SFXN4: variants seen among roughly 807,000 people sequenced by gnomAD.
SFXN4 encodes the protein sideroflexin-4.
In SFXN4, 48 loss-of-function variants were observed where a neutral mutation model predicts 54.6. That is an observed-to-expected ratio of 0.88 (90% CI 0.70 to 1.12). The LOEUF is 1.12. SFXN4 is among the 50% of genes most tolerant of loss of function. The pLI is 0.00. For synonymous variants in SFXN4, 130 were observed against 145.5 expected (o/e 0.89, Z 0.77); for missense variants, 383 against 409.2 (o/e 0.94, Z 0.55).
At chr10:119,152,411 C>A (rs944461500) in intron 11 of SFXN4, among the ~76,000 whole-genome samples, 2 of 151,876 alleles carry the variant, frequency 1.3e-5, no homozygotes, top group Non-Finnish European at 2.9e-5. Flanking sequence ...TCCCGAGTAG[C>A]TGGGATTACA....
chr10:119,146,478 T>A (rs1035462674), intron 12 of SFXN4, 125 bp from the exon 13 acceptor site: 19 of 495,812 alleles, frequency 3.8e-5, no homozygotes, highest in Admixed American at 3.2e-5. Flanking sequence ...TGTGTGTACC[T>A]GAACACCTGG....
chr10:119,142,455 T>C (rs1846570787), intron 13 of SFXN4, among the ~76,000 whole-genome samples: 1 of 152,086 alleles, frequency 6.6e-6, no homozygotes, highest in Admixed American at 6.6e-5. Flanking sequence ...AAAACTACTA[T>C]GTCATTGTCA....
chr10:119,147,236 C>T (rs917108378), intron 12 of SFXN4, among the ~76,000 whole-genome samples: 16 of 152,260 alleles, frequency 1.1e-4, no homozygotes, highest in Admixed American at 1.0e-3. Flanking sequence ...CCGTTCCGGC[C>T]CTAAAGCCCC....
chr10:119,141,551 C>T (rs1032651135), intron 13 of SFXN4, among the ~76,000 whole-genome samples: 4 of 132,136 alleles, frequency 3.0e-5, no homozygotes, highest in East Asian at 2.2e-4. Flanking sequence ...TGCTCTGTTG[C>T]GCAGGCTGGA....
At chr10:119,165,495 C>G in intron 1 of SFXN4, 42 bp downstream of exon 1, 2 of 1,523,466 alleles carry the variant, frequency 1.3e-6, no homozygotes, top group Non-Finnish European at 1.7e-6. Context: ...CGGCCCGGCC[C>G]GCCCCCTCCC....
intron 13 of SFXN4, among the ~76,000 whole-genome samples, chr10:119,145,311 ATT>A (rs1223685344): frequency 0.028 from 1,897 of 67,960 alleles, 32 homozygotes; most frequent in African/African-American, 0.08. Context: ...TTTTCTTATG[ATT>A]TTTTTTTTTT....
At chr10:119,159,217 T>C (rs1847412076) in intron 6 of SFXN4, among the ~76,000 whole-genome samples, 1 of 151,350 alleles carries the variant, frequency 6.6e-6, no homozygotes, top group South Asian at 2.1e-4. Context: ...GAGGCAGAGG[T>C]TGCAGCGAGC....
intron 13 of SFXN4, among the ~76,000 whole-genome samples, chr10:119,145,516 C>A (rs1846752061): frequency 6.6e-6 from 1 of 152,024 alleles, no homozygotes; most frequent in Admixed American, 6.6e-5. Flanking sequence ...GTTGGCCAAG[C>A]TGCTCTTGAA....
At chr10:119,142,726 ATTTT>A (rs573311460) in intron 13 of SFXN4, among the ~76,000 whole-genome samples, 19 of 77,436 alleles carry the variant, frequency 2.5e-4, no homozygotes, top group African/African-American at 7.7e-4. Context: ...AATGTTTTGA[ATTTT>A]TTTTTTTTTT....
rs1178802185 is a variant in SFXN4 at position 119,164,127 on chromosome 10, T to C, written c.177+4A>G. On this transcript the variant is annotated splice_donor_region_variant and intron_variant, in intron 2 of 13. Coordinates refer to ENST00000355697, the MANE Select transcript of SFXN4 (RefSeq NM_213649.2). ...AATTCATTAGCTCTGAAAACAATAC[T>C]TACAACTGAAATGAACACATTTGTA... 1 of 1,544,882 alleles carries C rather than the reference T, an allele frequency of 6.5e-7. No individual in the cohort carries two copies. Among genetic ancestry groups the C allele is most frequent in the South Asian group, 1.2e-5 (1 of 84,750 alleles).
intron 11 of SFXN4, among the ~76,000 whole-genome samples, chr10:119,150,995 G>A (rs1346329801): frequency 3.3e-5 from 5 of 152,178 alleles, no homozygotes; most frequent in African/African-American, 2.4e-5. Context: ...TCTCAAACGT[G>A]AAAGAAGCAA....
At chr10:119,158,983 A>T (rs1272536363) in intron 6 of SFXN4, among the ~76,000 whole-genome samples, 1 of 146,862 alleles carries the variant, frequency 6.8e-6, no homozygotes, top group Admixed American at 6.8e-5. Flanking sequence ...ACCCTATTTT[A>T]AAAAACAAAA....
At chr10:119,161,280 A>C (rs1165508915) in intron 3 of SFXN4, among the ~76,000 whole-genome samples, 199 bp from the exon 4 acceptor site, 1 of 151,928 alleles carries the variant, frequency 6.6e-6, no homozygotes, top group Non-Finnish European at 1.5e-5. Flanking sequence ...CACCATTCCC[A>C]ACTAGTTGTT....
At chr10:119,164,001 C>A in intron 2 of SFXN4, 130 bp downstream of exon 2, 1 of 636,196 alleles carries the variant, frequency 1.6e-6, no homozygotes, top group East Asian at 3.0e-5. Flanking sequence ...GATGGTGCCA[C>A]TGCACTCCAT....
chr10:119,151,140 C>T (rs549235560), intron 11 of SFXN4, among the ~76,000 whole-genome samples: 6 of 152,174 alleles, frequency 3.9e-5, no homozygotes, highest in African/African-American at 1.4e-4. Flanking sequence ...GAGGCCGAGG[C>T]GGGTGGGTCA....
In SFXN4 at chr10:119,146,233, T is replaced by C. The variant is rs1414300091; in HGVS notation, c.936+3A>G. ...GAGAGAAAAGAGGAATGGGGGCACTTACCTGTCCAATCTGTGGAAATATAC... is the reference window on the plus strand; with the variant it reads ...GAGAGAAAAGAGGAATGGGGGCACTCACCTGTCCAATCTGTGGAAATATAC... On this transcript the variant is annotated splice_donor_region_variant and intron_variant, in intron 13 of 13. Coordinates refer to ENST00000355697, the MANE Select transcript of SFXN4 (RefSeq NM_213649.2). The C allele has an allele frequency of 6.5e-7, 1 of 1,540,910 alleles. No homozygotes were observed. Among genetic ancestry groups the C allele is most frequent in the African/African-American group, 1.4e-5 (1 of 73,536 alleles).
At chr10:119,157,114 T>G (rs987775512) in intron 9 of SFXN4, among the ~76,000 whole-genome samples, 1 of 151,996 alleles carries the variant, frequency 6.6e-6, no homozygotes, top group African/African-American at 2.4e-5. Context: ...AACACACAAT[T>G]CATATAACAA....
chr10:119,163,417 G>A (rs571847909), intron 2 of SFXN4, among the ~76,000 whole-genome samples: 15 of 151,664 alleles, frequency 9.9e-5, no homozygotes, highest in Non-Finnish European at 1.6e-4. Flanking sequence ...CTGGGGGAAG[G>A]GGATGGAGTT....
At chr10:119,141,428 T>C (rs1392870708) in intron 13 of SFXN4, 109 bp from the exon 14 acceptor site, 15 of 609,888 alleles carry the variant, frequency 2.5e-5, no homozygotes. Context: ...TCCATCTTTT[T>C]CAATAATGTC....
Sources: gnomAD v4.1 joint callset for allele counts (sites outside exome capture counted in the v4.1 genomes callset) on GRCh38, gnomAD v4.1.1 for gene constraint, MANE v1.5 for transcripts, NCBI Gene and HGNC (gene_info 2026-07-23, HGNC 2026-07-21) for gene names.